The following SSX7 variants were observed in gnomAD, a reference collection of about 807,000 sequenced individuals.
SSX7 encodes protein SSX7.
SSX7 carries 15 observed loss-of-function variants against 14.7 expected under a neutral mutation model. The observed-to-expected ratio is 1.02, with a 90% CI of 0.68 to 1.58. The LOEUF is 1.58. SSX7 is among the 40% of genes most tolerant of loss of function. SSX7 has a pLI of 0.00. For missense variants in SSX7, 178 were observed against 146.8 expected (o/e 1.21, Z -1.10); for synonymous variants, 46 against 50.6 (o/e 0.91, Z 0.38).
intron 4 of SSX7, among the ~76,000 whole-genome samples, chrX:52,651,601 A>G (rs1259363727): frequency 1.8e-5 from 2 of 111,723 alleles, no homozygotes; most frequent in African/African-American, 3.2e-5. Flanking sequence ...CAGGCCGGGC[A>G]TGGTAGCTCA....
rs1556767109 is a variant in SSX7 at position 52,652,271 on chromosome X, G to A, written c.261C>T (p.Asp87=). The A allele has an allele frequency of 1.7e-6, 2 of 1,204,976 alleles. No homozygotes were observed. Among genetic ancestry groups the A allele is most frequent in the Non-Finnish European group, 2.2e-6 (2 of 892,182 alleles). The change falls in exon 4 of 8, where the codon GAC becomes GAT. Residue 87 remains aspartate (D), a synonymous_variant. Transcript: ENST00000298181. ...ACTCACCCTGATTCCCTTGGTTACG[G>A]TCATTATCAAAATCATTCCCCTGGA... ...TDLQGNDFDN[D]RNQGNQVERP...
chrX:52,654,334 A>T (rs1161403958), intron 1 of SSX7, among the ~76,000 whole-genome samples: 1 of 102,139 alleles, frequency 9.8e-6, no homozygotes, highest in Non-Finnish European at 2.0e-5. Flanking sequence ...CGAGAGGATC[A>T]CTTGATCCCA....
At chrX:52,651,666 G>T (rs1422907056) in intron 4 of SSX7, among the ~76,000 whole-genome samples, 2 of 111,128 alleles carry the variant, frequency 1.8e-5, no homozygotes, top group South Asian at 3.8e-4. Flanking sequence ...CCTGAGGTCA[G>T]GAAGTTTGAG....
chrX:52,648,435 A>G, intron 5 of SSX7, 39 bp from the exon 6 acceptor site: 3 of 1,205,389 alleles, frequency 2.5e-6, no homozygotes, highest in Non-Finnish European at 3.4e-6. Context: ...AGAATCAGTG[A>G]CATTTCTATA....
rs782392697 is a variant in SSX7 at position 52,650,346 on chromosome X, C to T, written c.330+7G>A. The T allele has an allele frequency of 2.5e-6, 3 of 1,208,920 alleles. No homozygotes were observed. In the Admixed American group the frequency reaches 6.5e-5, roughly 26 times the overall value. On this transcript the variant is annotated splice_region_variant and intron_variant, in intron 5 of 7. Transcript: ENST00000298181. Reference sequence around the variant, plus strand: ...TCTCTGGTCCTTTAGATCTGAGAGACACTCACCTTCGGGAAGATTCTCTGG... The same window carrying T: ...TCTCTGGTCCTTTAGATCTGAGAGATACTCACCTTCGGGAAGATTCTCTGG...
At chrX:52,647,378 T>G (rs1225578103) in intron 6 of SSX7, among the ~76,000 whole-genome samples, 4 of 112,740 alleles carry the variant, frequency 3.5e-5, no homozygotes, top group African/African-American at 1.3e-4. Context: ...AGCCTTCTAT[T>G]GGAAGGAGAT....
intron 2 of SSX7, 171 bp from the exon 3 acceptor site, chrX:52,653,155 A>G (rs1925496706): frequency 9.3e-6 from 7 of 753,805 alleles, no homozygotes; most frequent in Non-Finnish European, 1.1e-5. Flanking sequence ...TAGGGCTTTA[A>G]TGCTGCTGAC....
chrX:52,652,269 C>G lies in SSX7; in HGVS notation c.263G>C (p.Arg88Pro), dbSNP rs782009954. 2.9e-5 allele frequency: 35 copies of G among 1,203,090 alleles called. No individual in the cohort carries two copies. The highest frequency in any genetic ancestry group is 2.3e-4 in the South Asian group (13 of 56,500). ...CTACTCACCCTGATTCCCTTGGTTA[C>G]GGTCATTATCAAAATCATTCCCCTG... ...DLQGNDFDND[R>P]NQGNQVERPQ... is the part of the protein sequence containing the mutation. Residue 88 changes from arginine to proline, a missense_variant, in exon 4 of 8, where the codon CGT (arginine) becomes CCT (proline). Coordinates refer to ENST00000298181, the MANE Select transcript of SSX7 (RefSeq NM_173358.2).
chrX:52,647,722 C>T (rs1272301886), intron 6 of SSX7, among the ~76,000 whole-genome samples: 4 of 111,592 alleles, frequency 3.6e-5, no homozygotes, highest in Non-Finnish European at 7.5e-5. Context: ...CATTTTTAGA[C>T]ATAATGCTAT....
At chrX:52,653,527 A>C (rs1416213574) in intron 1 of SSX7, 35 bp from the exon 2 acceptor site, 9 of 1,205,832 alleles carry the variant, frequency 7.5e-6, no homozygotes, top group Non-Finnish European at 9.0e-6. Context: ...TTCCAGCCAC[A>C]GCAGCTTTGG....
At chrX:52,647,793 A>ATCG (rs1925296675) in intron 6 of SSX7, among the ~76,000 whole-genome samples, 3 of 111,699 alleles carry the variant, frequency 2.7e-5, no homozygotes, top group African/African-American at 9.7e-5. Flanking sequence ...TGCTAAACCA[A>ATCG]AAAAACAATG....
chrX:52,644,371 T>C lies in SSX7; in HGVS notation c.*304A>G, dbSNP rs1350220904. 2.8e-6 allele frequency: 1 copy of C among 355,928 alleles called. No individual in the cohort carries two copies. Among genetic ancestry groups the C allele is most frequent in the African/African-American group, 4.1e-5 (1 of 24,569 alleles). 29.3% of individuals were successfully genotyped at this position (355,928 alleles called of 1,213,427 possible). On this transcript the variant is annotated 3_prime_UTR_variant, in exon 8 of 8. Coordinates refer to ENST00000298181, the MANE Select transcript of SSX7 (RefSeq NM_173358.2). ...CTGTTCTATGGAGAGAATACCTGACTATACTTGCTTTCTGAGGTAGGTGCA... is the reference window on the plus strand; with the variant it reads ...CTGTTCTATGGAGAGAATACCTGACCATACTTGCTTTCTGAGGTAGGTGCA...
chrX:52,651,359 G>A (rs782213919), intron 4 of SSX7, among the ~76,000 whole-genome samples: 4 of 112,052 alleles, frequency 3.6e-5, no homozygotes, highest in Admixed American at 9.5e-5. Context: ...AGTTTTTGGC[G>A]AATCTACAGT....
At chrX:52,647,880 G>C (rs782177004) in intron 6 of SSX7, among the ~76,000 whole-genome samples, 3 of 111,790 alleles carry the variant, frequency 2.7e-5, no homozygotes, top group Non-Finnish European at 5.6e-5. Flanking sequence ...TGGGTATCAG[G>C]CATTGAGCTG....
intron 4 of SSX7, among the ~76,000 whole-genome samples, chrX:52,651,375 C>A (rs2064284813): frequency 1.8e-5 from 2 of 112,205 alleles, no homozygotes; most frequent in African/African-American, 3.2e-5. Context: ...ACAGTTGTAA[C>A]ATTTTCTTTC....
chrX:52,651,595 C>T (rs1556767004), intron 4 of SSX7, among the ~76,000 whole-genome samples: 1 of 111,591 alleles, frequency 9.0e-6, no homozygotes, highest in Admixed American at 9.5e-5. Flanking sequence ...TACAAACAGG[C>T]CGGGCATGGT....
chrX:52,647,867 T>C (rs147603318), intron 6 of SSX7, among the ~76,000 whole-genome samples: 572 of 111,947 alleles, frequency 5.1e-3, no homozygotes, highest in African/African-American at 0.018. Context: ...AGTACAACTT[T>C]ATTGGGTATC....
At chrX:52,652,414 G>T (rs1925465264) in intron 3 of SSX7, 67 bp from the exon 4 acceptor site, 3 of 804,154 alleles carry the variant, frequency 3.7e-6, no homozygotes, top group Non-Finnish European at 5.7e-6. Context: ...GCTCATATCT[G>T]TAGTACCAGT....
At chrX:52,651,714 A>AT (rs1316723353) in intron 4 of SSX7, among the ~76,000 whole-genome samples, 1 of 111,350 alleles carries the variant, frequency 9.0e-6, no homozygotes, top group Non-Finnish European at 1.9e-5. Context: ...CGTCTCTACC[A>AT]AAAATAAAAA....
Sources: allele counts gnomAD v4.1 joint callset (sites outside exome capture counted in the v4.1 genomes callset), GRCh38; gene constraint gnomAD v4.1.1; transcripts MANE v1.5; gene names NCBI Gene and HGNC (gene_info 2026-07-23, HGNC 2026-07-21).